The following CRHR1 variants were observed in gnomAD, a reference collection of about 807,000 sequenced individuals.
CRHR1 encodes corticotropin-releasing hormone receptor 1.
A neutral mutation model predicts 56.0 loss-of-function variants in CRHR1; 28 were observed. That is an observed-to-expected ratio of 0.50 (90% CI 0.37 to 0.69). The LOEUF (loss-of-function observed/expected upper bound fraction) is 0.69. CRHR1 is among the 30% of genes least tolerant of loss of function. The pLI, the probability that CRHR1 is intolerant of heterozygous loss-of-function variation, is 0.00. For synonymous variants in CRHR1, 195 were observed against 216.5 expected (o/e 0.90, Z 0.87); for missense variants, 376 against 548.0 (o/e 0.69, Z 3.13).
At chr17:45,812,510 G>C (rs925537330) in intron 2 of CRHR1, among the ~76,000 whole-genome samples, 2 of 152,200 alleles carry the variant, frequency 1.3e-5, no homozygotes, top group African/African-American at 4.8e-5. Context: ...GAGCAGAAGA[G>C]GTCAGGCTTT....
At chr17:45,813,380 C>T (rs558222778) in intron 2 of CRHR1, among the ~76,000 whole-genome samples, 22 of 149,280 alleles carry the variant, frequency 1.5e-4, no homozygotes, top group African/African-American at 5.1e-4. Flanking sequence ...AACTTTGTCT[C>T]CTCGCCCCTT....
At chr17:45,815,297 A>G (rs1014391009) in intron 2 of CRHR1, among the ~76,000 whole-genome samples, 1 of 152,204 alleles carries the variant, frequency 6.6e-6, no homozygotes, top group African/African-American at 2.4e-5. Context: ...AGGCAGAGAA[A>G]GAAGGGGCAG....
At chr17:45,820,025 G>A (rs1015337034) in intron 3 of CRHR1, among the ~76,000 whole-genome samples, 2 of 152,180 alleles carry the variant, frequency 1.3e-5, no homozygotes, top group African/African-American at 4.8e-5. Flanking sequence ...ATGCAGCACG[G>A]CAGCAGCTCA....
At chr17:45,801,034 G>T (rs1286979881) in intron 1 of CRHR1, among the ~76,000 whole-genome samples, 1 of 152,236 alleles carries the variant, frequency 6.6e-6, no homozygotes, top group Non-Finnish European at 1.5e-5. Flanking sequence ...CATTTTCTGG[G>T]TGTGATTAAC....
chr17:45,831,477 C>T (rs745698545), intron 8 of CRHR1, among the ~76,000 whole-genome samples: 2 of 152,170 alleles, frequency 1.3e-5, no homozygotes, highest in Non-Finnish European at 1.5e-5. Context: ...TTCTTTGGTT[C>T]CTTATGAAAT....
At chr17:45,792,001 C>T (rs1454960104) in intron 1 of CRHR1, among the ~76,000 whole-genome samples, 4 of 152,232 alleles carry the variant, frequency 2.6e-5, no homozygotes, top group Middle Eastern at 3.4e-3. Context: ...CAGACCTGTA[C>T]GGCAGGTGTG....
rs901788950 is a variant in CRHR1, at chr17:45,835,076, C to G, written c.*312C>G. On this transcript the variant is annotated 3_prime_UTR_variant, in exon 13 of 13. Coordinates refer to ENST00000314537, the MANE Select transcript of CRHR1 (RefSeq NM_004382.5). ...GGACACCTACAGCAGCACGCATGTCCCTCCAAGGCTGTCTTCTCCCAGAGC... is the reference window on the plus strand; with the variant it reads ...GGACACCTACAGCAGCACGCATGTCGCTCCAAGGCTGTCTTCTCCCAGAGC... The G allele has an allele frequency of 1.5e-5, 6 of 387,666 alleles. No homozygotes were observed. Among genetic ancestry groups the G allele is most frequent in the Non-Finnish European group, 2.3e-5 (5 of 215,326 alleles). 24.0% of individuals were successfully genotyped at this position (387,666 alleles called of 1,614,324 possible). A position where few individuals can be genotyped will look rare whatever the true frequency, so the allele number is the denominator to read the frequency against.
At chr17:45,808,356 G>A (rs2061757497) in intron 2 of CRHR1, among the ~76,000 whole-genome samples, 1 of 152,186 alleles carries the variant, frequency 6.6e-6, no homozygotes, top group South Asian at 2.1e-4. Context: ...AGAGCCTGGG[G>A]GCAGAGGAAC....
Position 45,829,199 on chromosome 17 carries a change from CT to C in CRHR1, c.328-15del. On this transcript the variant is annotated splice_polypyrimidine_tract_variant and intron_variant, in intron 4 of 12. Coordinates refer to ENST00000314537, the MANE Select transcript of CRHR1 (RefSeq NM_004382.5). ...TCCAGCAGAAGGCTCACCTCTGCCC[CT>C]CTCTCCTGCTCCAGAAAAAAAGCAA... 1.9e-6 allele frequency: 3 copies of C among 1,606,338 alleles called. No homozygotes were observed. The highest frequency in any genetic ancestry group is 2.6e-6 in the Non-Finnish European group (3 of 1,173,906).
At chr17:45,786,461 A>G (rs1039590412) in intron 1 of CRHR1, among the ~76,000 whole-genome samples, 7 of 152,188 alleles carry the variant, frequency 4.6e-5, no homozygotes, top group African/African-American at 1.7e-4. Flanking sequence ...CTGCTTTGCA[A>G]ATATTAAGTC....
chr17:45,784,335 G>T lies in CRHR1; in HGVS notation c.-210G>T. 1 of 300,808 alleles carries T rather than the reference G, an allele frequency of 3.3e-6. No individual in the cohort carries two copies. The highest frequency in any genetic ancestry group is 1.5e-4 in the South Asian group (1 of 6,822). 18.6% of individuals were successfully genotyped at this position (300,808 alleles called of 1,614,324 possible). A position where few individuals can be genotyped will look rare whatever the true frequency, so the allele number is the denominator to read the frequency against. On this transcript the variant is annotated 5_prime_UTR_variant, in exon 1 of 13. Transcript: ENST00000314537. This position sits in a 1 kb window ranked among gnomAD's most constrained non-coding sequence, Gnocchi z 4.2. ...GGGCTGCGTCGGGAAACGGCGGCCAGACTTCCCCGGGAAGGGGCGAGCGAG... is the reference window on the plus strand; with the variant it reads ...GGGCTGCGTCGGGAAACGGCGGCCATACTTCCCCGGGAAGGGGCGAGCGAG...
Position 45,784,391 on chromosome 17 carries a change from C to T in CRHR1, c.-154C>T. 2.0e-6 allele frequency: 1 copy of T among 495,498 alleles called. No homozygotes were observed. Among genetic ancestry groups the T allele is most frequent in the South Asian group, 8.5e-5 (1 of 11,698 alleles). 30.7% of individuals were successfully genotyped at this position (495,498 alleles called of 1,614,324 possible). On this transcript the variant is annotated 5_prime_UTR_variant, in exon 1 of 13. Transcript: ENST00000314537. This position sits in a 1 kb window ranked among gnomAD's most constrained non-coding sequence, Gnocchi z 4.2. ...GGCCGGGCCGGGCCGGGCCGCGGGG[C>T]CGGGAAGCGCCGAGCCGGGCATCTC...
intron 4 of CRHR1, among the ~76,000 whole-genome samples, chr17:45,821,644 C>G (rs2062044463): frequency 6.6e-6 from 1 of 152,220 alleles, no homozygotes. Flanking sequence ...CAATGGGGCA[C>G]TGGGCAGGCT....
intron 10 of CRHR1, 21 bp from the exon 11 acceptor site, chr17:45,833,693 T>TGGGGGGCCGCCCCCC: frequency 6.4e-7 from 1 of 1,571,618 alleles, no homozygotes; most frequent in Non-Finnish European, 8.7e-7. Flanking sequence ...ACTCCGAGCC[T>TGGGGGGCCGCCCCCC]CCCCACCCGC....
intron 1 of CRHR1, among the ~76,000 whole-genome samples, chr17:45,790,436 G>A (rs1376772266): frequency 1.3e-5 from 2 of 152,168 alleles, no homozygotes; most frequent in Non-Finnish European, 2.9e-5. Flanking sequence ...TCCCCTTCAC[G>A]TAGAACTGCG....
chr17:45,817,912 A>AT, intron 3 of CRHR1, among the ~76,000 whole-genome samples: 1 of 152,268 alleles, frequency 6.6e-6, no homozygotes, highest in South Asian at 2.1e-4. Context: ...AGTCAGGCCC[A>AT]TTTTGTAATA....
At chr17:45,820,422 A>G (rs924806149) in intron 3 of CRHR1, among the ~76,000 whole-genome samples, 2 of 152,114 alleles carry the variant, frequency 1.3e-5, no homozygotes, top group Non-Finnish European at 2.9e-5. Flanking sequence ...AAGGAGGGTA[A>G]GGGGAACACG....
At chr17:45,834,496 C>T (rs1053624437) in intron 12 of CRHR1, 128 bp from the exon 13 acceptor site, 4 of 1,034,824 alleles carry the variant, frequency 3.9e-6, no homozygotes, top group Non-Finnish European at 4.1e-6. Flanking sequence ...TCATCCCCTA[C>T]TGAGGACTTC....
intron 4 of CRHR1, chr17:45,827,253 CTGACTCGGGAG>C (rs1307286261): frequency 6.6e-6 from 1 of 152,322 alleles, no homozygotes; most frequent in East Asian, 1.9e-4. Flanking sequence ...CCGGTACGGC[CTGACTCGGGAG>C]TGAGGCAGGG....
Sources: allele counts gnomAD v4.1 joint callset (sites outside exome capture counted in the v4.1 genomes callset), GRCh38; gene constraint gnomAD v4.1.1; non-coding constraint Gnocchi (gnomAD v3.1); transcripts MANE v1.5; gene names NCBI Gene and HGNC (gene_info 2026-07-23, HGNC 2026-07-21).